RHD: variants seen among roughly 807,000 people sequenced by gnomAD.
RHD encodes the protein Rh blood group D antigen.
A neutral mutation model predicts 45.5 loss-of-function variants in RHD; 16 were observed. That is an observed-to-expected ratio of 0.35 (90% confidence interval 0.24 to 0.53). RHD has a LOEUF of 0.53. RHD is among the 20% of genes least tolerant of loss of function. RHD has a pLI of 0.92. For synonymous variants in RHD, 131 were observed against 217.5 expected, an observed-to-expected ratio of 0.60 and a Z score of 3.50; for missense variants, 306 against 532.0, an observed-to-expected ratio of 0.58 and a Z score of 4.18.
intron 1 of RHD, among the ~76,000 whole-genome samples, chr1:25,283,411 A>G: frequency 7.6e-6 from 1 of 130,926 alleles, no homozygotes; most frequent in African/African-American, 2.6e-5. Flanking sequence ...GGCACCTGTA[A>G]TCCCAGCTAC....
Position 25,300,167 on chromosome 1 carries a change from G to A in RHD, c.487-779G>A, listed in dbSNP as rs534344758. The stretch of plus-strand genomic sequence containing the variant: ...TCCGCTGAGAAGTAGGAATCAGTGA[G>A]GTGCGTGTCCATGTGGGTTTTTGCC... On this transcript the variant is annotated intron_variant, in intron 3 of 9. Transcript: ENST00000328664. Among the ~76,000 whole-genome samples, 304 of 131,352 alleles carry A rather than the reference G, an allele frequency of 2.3e-3. 43 individuals carry two copies. The highest frequency in any genetic ancestry group is 7.4e-3 in the African/African-American group (281 of 38,178). The allele number at this position is 131,352 out of a possible 152,430, so 86.2% of individuals were successfully genotyped here.
chr1:25,314,631 T>C (rs2124073833), intron 7 of RHD, among the ~76,000 whole-genome samples: 1 of 132,620 alleles, frequency 7.5e-6, no homozygotes, highest in Non-Finnish European at 1.8e-5. Flanking sequence ...GTAGCTTAGA[T>C]TACAGGCGCA....
intron 7 of RHD, among the ~76,000 whole-genome samples, chr1:25,312,919 C>CAAAAAAAAAAA (rs1571719513): frequency 2.8e-4 from 1 of 3,618 alleles, no homozygotes; most frequent in Non-Finnish European, 1.0e-3. Flanking sequence ...AATCCCATCT[C>CAAAAAAAAAAA]TAAAAAAAAA....
rs1195830689 is a variant in RHD, at chr1:25,290,617, C to T, written c.336-24C>T. ...AGAGGCATCCTTCCTTCTCAGTCGT[C>T]CTGGCTCTCCCTCTCTCCCCCAGTA... On this transcript the variant is annotated intron_variant, in intron 2 of 9. Transcript: ENST00000328664. The T allele has an allele frequency of 4.4e-6, 6 of 1,363,616 alleles. 2 individuals carry two copies. Among genetic ancestry groups the T allele is most frequent in the Admixed American group, 3.6e-5 (2 of 55,990 alleles). The allele number at this position is 1,363,616 out of a possible 1,614,324, so 84.5% of individuals were successfully genotyped here.
Position 25,314,407 on chromosome 1 carries a change from A to G in RHD, c.1074-2593A>G, listed in dbSNP as rs1644324540. 3.0e-5 allele frequency among the ~76,000 whole-genome samples: 4 copies of G among 132,652 alleles called. 1 individual carries two copies. The highest frequency in any genetic ancestry group is 1.5e-4 in the Admixed American group (2 of 13,668). 87.0% of individuals were successfully genotyped at this position (132,652 alleles called of 152,430 possible). A position where few individuals can be genotyped will look rare whatever the true frequency, so the allele number is the denominator to read the frequency against. On this transcript the variant is annotated intron_variant, in intron 7 of 9. Transcript: ENST00000328664. Reference sequence around the variant, plus strand: ...ATTCAAGTTAGTTTGCCCATTTTCTATTGTGGTGTTCTGTCTTTTTCTTAT... The same window carrying G: ...ATTCAAGTTAGTTTGCCCATTTTCTGTTGTGGTGTTCTGTCTTTTTCTTAT...
rs1310755054 is a variant in RHD at position 25,279,889 on chromosome 1, G to A, written c.149-4684G>A. ...CCCCTGAACACCTTAGAGCCCATCA[G>A]CTTATCAAACCAGCAGCTGATGTGA... On this transcript the variant is annotated intron_variant, in intron 1 of 9. Coordinates refer to ENST00000328664, the MANE Select transcript of RHD (RefSeq NM_016124.6). Among the ~76,000 whole-genome samples, 2 of 129,514 alleles carry A rather than the reference G, an allele frequency of 1.5e-5. 1 individual carries two copies. Among genetic ancestry groups the A allele is most frequent in the Non-Finnish European group, 3.6e-5 (2 of 55,396 alleles). 85.0% of individuals were successfully genotyped at this position (129,514 alleles called of 152,430 possible).
intron 1 of RHD, among the ~76,000 whole-genome samples, chr1:25,277,818 G>A (rs1361628809): frequency 8.1e-6 from 1 of 123,574 alleles, no homozygotes; most frequent in Admixed American, 7.9e-5. Flanking sequence ...GGGATTACAG[G>A]CATGCGCCAC....
At chr1:25,305,945 C>A (rs1309372251) in intron 6 of RHD, among the ~76,000 whole-genome samples, 1 of 131,760 alleles carries the variant, frequency 7.6e-6, no homozygotes, top group African/African-American at 2.6e-5. Context: ...AAGGAAGGAA[C>A]CAGCCTGATT....
In RHD at chr1:25,319,820, G is replaced by A. The variant is rs1400487936; in HGVS notation, c.1154-2069G>A. Among the ~76,000 whole-genome samples, 3 of 132,350 alleles carry A rather than the reference G, an allele frequency of 2.3e-5. 1 individual carries two copies. The highest frequency in any genetic ancestry group is 7.7e-5 in the African/African-American group (3 of 38,906). 86.8% of individuals were successfully genotyped at this position (132,350 alleles called of 152,430 possible). The stretch of plus-strand genomic sequence containing the variant: ...AGATTAGAAATAGCAGATTAGAGGT[G>A]GGCTAGGTTTCTAGAGGTAAAGTAC... On this transcript the variant is annotated intron_variant, in intron 8 of 9. Transcript: ENST00000328664.
In RHD at chr1:25,313,186, G is replaced by C. The variant is rs1321957212; in HGVS notation, c.1074-3814G>C. Among the ~76,000 whole-genome samples the C allele has an allele frequency of 3.9e-5, 5 of 129,510 alleles. 2 individuals are homozygous for C. Among genetic ancestry groups the C allele is most frequent in the Non-Finnish European group, 9.1e-5 (5 of 54,888 alleles). 85.0% of individuals were successfully genotyped at this position (129,510 alleles called of 152,430 possible). On this transcript the variant is annotated intron_variant, in intron 7 of 9. Coordinates refer to ENST00000328664, the MANE Select transcript of RHD (RefSeq NM_016124.6). The stretch of plus-strand genomic sequence containing the variant: ...AGACTGGTGGCTTACAAGAGGAAGA[G>C]AGAACTGAGCTGACATGCTCTTGCC...
intron 8 of RHD, among the ~76,000 whole-genome samples, chr1:25,321,314 C>T (rs2124144825): frequency 8.4e-6 from 1 of 119,620 alleles, no homozygotes; most frequent in African/African-American, 2.8e-5. Flanking sequence ...CTCTCATGTA[C>T]TGCTCAGTAC....
intron 1 of RHD, among the ~76,000 whole-genome samples, chr1:25,278,870 T>C (rs1641236341): frequency 7.8e-6 from 1 of 128,288 alleles, no homozygotes; most frequent in East Asian, 2.0e-4. Context: ...GAGTCGCCGG[T>C]AGAGTAGAGG....
rs764093565 is a variant in RHD at position 25,272,642 on chromosome 1, C to A, written c.95C>A (p.Thr32Asn). The A allele has an allele frequency of 1.9e-6, 3 of 1,571,020 alleles. No homozygotes were observed. The highest frequency in any genetic ancestry group is 8.7e-7 in the Non-Finnish European group (1 of 1,148,586). Residue 32 changes from threonine (T) to asparagine (N), a missense_variant, in exon 1 of 10, where the codon ACC becomes AAC. Thr to Asn is a moderately conservative substitution (Grantham distance 65). Coordinates refer to ENST00000328664, the MANE Select transcript of RHD (RefSeq NM_016124.6). ...CTCATTCTCCTCTTCTATTTTTTTACCCACTATGACGCTTCCTTAGAGGAT... is the reference window on the plus strand; with the variant it reads ...CTCATTCTCCTCTTCTATTTTTTTAACCACTATGACGCTTCCTTAGAGGAT... Reference protein sequence around the residue: ...AALILLFYFFTHYDASLEDQK... With the variant: ...AALILLFYFFNHYDASLEDQK...
chr1:25,278,422 T>C (rs582650), intron 1 of RHD, among the ~76,000 whole-genome samples: 6 of 131,598 alleles, frequency 4.6e-5, no homozygotes, highest in South Asian at 2.4e-4. Context: ...CTTAAAATAG[T>C]AACCTTTTAA....
intron 5 of RHD, among the ~76,000 whole-genome samples, chr1:25,302,638 C>G (rs1173993924): frequency 7.7e-6 from 1 of 129,252 alleles, no homozygotes; most frequent in Non-Finnish European, 1.8e-5. Flanking sequence ...GAGCTATGAC[C>G]CAGGAACAAG....
At chr1:25,293,098 C>A (rs28553519) in intron 3 of RHD, among the ~76,000 whole-genome samples, 11,161 of 129,706 alleles carry the variant, frequency 0.086, 2,871 homozygotes, top group African/African-American at 0.29. Context: ...ATGAAGGCAA[C>A]AGCCTGGCTT....
At chr1:25,311,933 T>C (rs1644171652) in intron 7 of RHD, among the ~76,000 whole-genome samples, 1 of 130,138 alleles carries the variant, frequency 7.7e-6, no homozygotes, top group African/African-American at 2.7e-5. Flanking sequence ...AGAGAGCCCC[T>C]AGTAGAGCAG....
chr1:25,311,017 A>G (rs1310887902), intron 7 of RHD, among the ~76,000 whole-genome samples: 1 of 130,822 alleles, frequency 7.6e-6, no homozygotes, highest in Non-Finnish European at 1.8e-5. Context: ...CATTAAAGAC[A>G]GTTCTGCAGT....
chr1:25,316,668 G>A lies in RHD; in HGVS notation c.1074-332G>A, dbSNP rs189618224. Among the ~76,000 whole-genome samples the A allele has an allele frequency of 1.7e-4, 21 of 126,274 alleles. 1 individual carries two copies. The East Asian group carries it at 3.4e-3, about 20-fold the overall frequency. 82.8% of individuals were successfully genotyped at this position (126,274 alleles called of 152,430 possible). The stretch of plus-strand genomic sequence containing the variant: ...GAGAGAAAACTGGAGGCTCTGAGAG[G>A]TTGAGGGACTTGCCCAGGGTCTTGC... On this transcript the variant is annotated intron_variant, in intron 7 of 9. Transcript: ENST00000328664.
Sources: gnomAD v4.1 joint callset for allele counts (sites outside exome capture counted in the v4.1 genomes callset) on GRCh38, gnomAD v4.1.1 for gene constraint, MANE v1.5 for transcripts, NCBI Gene and HGNC (gene_info 2026-07-23, HGNC 2026-07-21) for gene names.